The following AGMO variants were observed in gnomAD, a reference collection of about 807,000 sequenced individuals.
AGMO encodes alkylglycerol monooxygenase.
AGMO carries 75 observed loss-of-function variants against 60.2 expected under a neutral mutation model. That is an observed-to-expected ratio of 1.25 (90% confidence interval 1.03 to 1.51). The LOEUF is 1.51. AGMO is among the 40% of genes most tolerant of loss of function. The pLI is 0.00. For synonymous variants in AGMO, 261 were observed against 177.1 expected, an observed-to-expected ratio of 1.47 and a Z score of -3.76; for missense variants, 763 against 525.5, an observed-to-expected ratio of 1.45 and a Z score of -4.42.
chr7:15,390,671 C>G lies in AGMO; in HGVS notation c.822G>C (p.Gln274His), dbSNP rs1583496057. ...PINTFEPIKV[Q>H]FHHLFSIWTT... is the part of the protein sequence containing the mutation. The stretch of plus-strand genomic sequence containing the variant: ...AAAGAATAAAAAACAAGTATGTTAC[C>G]TGCACTTTGATTGGTTCAAATGTAT... The change falls in exon 8 of 13, where the codon CAG becomes CAC. Residue 274 changes from glutamine (Q) to histidine (H), a missense_variant and splice_region_variant. Gln to His is a conservative substitution (Grantham distance 24). Coordinates refer to ENST00000342526, the MANE Select transcript of AGMO (RefSeq NM_001004320.2). 1.3e-6 allele frequency: 2 copies of G among 1,583,774 alleles called. No individual in the cohort carries two copies. Among genetic ancestry groups the G allele is most frequent in the South Asian group, 1.2e-5 (1 of 85,830 alleles).
chr7:15,501,571 T>C (rs1402000476), intron 3 of AGMO, among the ~76,000 whole-genome samples: 1 of 151,968 alleles, frequency 6.6e-6, no homozygotes, highest in Non-Finnish European at 1.5e-5. Flanking sequence ...AACTCCATTA[T>C]TATGCCCTAC....
At chr7:15,239,628 T>G (rs1341177875) in intron 12 of AGMO, among the ~76,000 whole-genome samples, 1 of 152,112 alleles carries the variant, frequency 6.6e-6, no homozygotes, top group African/African-American at 2.4e-5. Flanking sequence ...TTTCCAAGGT[T>G]GACATTTCAG....
At chr7:15,338,948 A>G (rs4601205) in intron 12 of AGMO, among the ~76,000 whole-genome samples, 84,698 of 152,042 alleles carry the variant, frequency 0.56, 24,942 homozygotes, top group African/African-American at 0.77. Context: ...AGCAGCCTCA[A>G]TTCTCCAGAT....
chr7:15,296,015 T>C (rs957011738), intron 12 of AGMO, among the ~76,000 whole-genome samples: 8 of 152,112 alleles, frequency 5.3e-5, no homozygotes, highest in African/African-American at 1.9e-4. Context: ...ATATAAAATT[T>C]TCTTCAATTA....
chr7:15,468,691 T>C (rs1782360544), intron 3 of AGMO, among the ~76,000 whole-genome samples: 2 of 152,100 alleles, frequency 1.3e-5, no homozygotes, highest in African/African-American at 4.8e-5. Context: ...ACATAAATGT[T>C]ATATAAATAC....
At chr7:15,312,504 C>G (rs1330029539) in intron 12 of AGMO, among the ~76,000 whole-genome samples, 2 of 132,734 alleles carry the variant, frequency 1.5e-5, no homozygotes, top group African/African-American at 5.9e-5. Context: ...AAAAAAACAG[C>G]TGCCATTGTA....
intron 11 of AGMO, 125 bp from the exon 12 acceptor site, chr7:15,365,744 T>C: frequency 2.9e-6 from 2 of 691,178 alleles, no homozygotes; most frequent in East Asian, 2.8e-5. Flanking sequence ...TTGAAAAGCA[T>C]GTCCCCTGAA....
chr7:15,519,611 G>A (rs1410571172), intron 3 of AGMO, among the ~76,000 whole-genome samples: 1 of 152,100 alleles, frequency 6.6e-6, no homozygotes, highest in Non-Finnish European at 1.5e-5. Context: ...AATGCTGAGG[G>A]ATTTTGTCAC....
At chr7:15,491,312 T>C (rs1242050214) in intron 3 of AGMO, among the ~76,000 whole-genome samples, 1 of 152,160 alleles carries the variant, frequency 6.6e-6, no homozygotes, top group Non-Finnish European at 1.5e-5. Context: ...TTATACTGGG[T>C]GTTGTGACTT....
intron 8 of AGMO, among the ~76,000 whole-genome samples, chr7:15,389,607 C>T (rs757501291): frequency 2.0e-5 from 3 of 152,002 alleles, no homozygotes; most frequent in Non-Finnish European, 4.4e-5. Context: ...TTGTTATGGC[C>T]CTTTACGTAA....
chr7:15,490,658 C>T (rs1040666176), intron 3 of AGMO, among the ~76,000 whole-genome samples: 1 of 152,070 alleles, frequency 6.6e-6, no homozygotes, highest in Non-Finnish European at 1.5e-5. Context: ...ATAAACTGAA[C>T]AATCTGCAAG....
intron 10 of AGMO, among the ~76,000 whole-genome samples, chr7:15,371,214 T>A (rs766293993): frequency 6.6e-6 from 1 of 152,162 alleles, no homozygotes; most frequent in East Asian, 1.9e-4. Flanking sequence ...AAATATTTAA[T>A]AACAATGTTT....
At chr7:15,269,881 G>T (rs913746638) in intron 12 of AGMO, among the ~76,000 whole-genome samples, 1 of 151,980 alleles carries the variant, frequency 6.6e-6, no homozygotes, top group Admixed American at 6.6e-5. Context: ...TTGCTTCTGA[G>T]CTATCTCACT....
chr7:15,398,851 T>C (rs902270987), intron 5 of AGMO, among the ~76,000 whole-genome samples: 1 of 152,170 alleles, frequency 6.6e-6, no homozygotes, highest in African/African-American at 2.4e-5. Flanking sequence ...AAACTACTAG[T>C]TTAAGTTTAA....
chr7:15,355,932 C>CA (rs1254174261), intron 12 of AGMO, among the ~76,000 whole-genome samples: 15 of 151,796 alleles, frequency 9.9e-5, no homozygotes, highest in African/African-American at 2.7e-4. Flanking sequence ...GTAAAAGGTA[C>CA]AAAAAAATCA....
At chr7:15,238,263 A>G (rs184364177) in intron 12 of AGMO, among the ~76,000 whole-genome samples, 16 of 152,182 alleles carry the variant, frequency 1.1e-4, no homozygotes, top group Admixed American at 9.2e-4. Context: ...AAAGAAAATA[A>G]TATTTCCAAT....
chr7:15,347,685 A>G lies in AGMO; in HGVS notation c.1263+17829T>C, dbSNP rs576603615. Among the ~76,000 whole-genome samples, 53 of 152,160 alleles carry G rather than the reference A, an allele frequency of 3.5e-4. 1 individual carries two copies. The highest frequency in any genetic ancestry group is 1.2e-3 in the African/African-American group (51 of 41,552). ...GAGAAACCACTAATCCAAGTTCTTA[A>G]AATCTCCTGATTAAAAAATGTTGGT... is the stretch of plus-strand genomic sequence containing the variant. On this transcript the variant is annotated intron_variant, in intron 12 of 12. Coordinates refer to ENST00000342526, the MANE Select transcript of AGMO (RefSeq NM_001004320.2).
chr7:15,160,612 A>G, the AGMO span, among the ~76,000 whole-genome samples: 1 of 152,158 alleles, frequency 6.6e-6, no homozygotes, highest in Non-Finnish European at 1.5e-5. Context: ...CTGAAAATTA[A>G]TAAACTACCA....
In AGMO at chr7:15,390,904, G is replaced by A. The variant is rs1784111660; in HGVS notation, c.678C>T (p.Gly226=). The change falls in exon 7 of 13, where the codon GGC becomes GGT. Residue 226 remains glycine, a splice_region_variant and synonymous_variant. Coordinates refer to ENST00000342526, the MANE Select transcript of AGMO (RefSeq NM_001004320.2). ...TTTTGTCTATGCAATAACGATTTCTGCCTATGAGACAAAATATTAGAAATT... is the reference window on the plus strand; with the variant it reads ...TTTTGTCTATGCAATAACGATTTCTACCTATGAGACAAAATATTAGAAATT... The part of the protein sequence containing the change: ...NTPSHHRVHH[G]RNRYCIDKNY... 1.3e-6 allele frequency: 2 copies of A among 1,586,178 alleles called. No homozygotes were observed. The highest frequency in any genetic ancestry group is 1.7e-6 in the Non-Finnish European group (2 of 1,164,470).
Sources: gnomAD v4.1 joint callset for allele counts (sites outside exome capture counted in the v4.1 genomes callset) on GRCh38, gnomAD v4.1.1 for gene constraint, MANE v1.5 for transcripts, NCBI Gene and HGNC (gene_info 2026-07-23, HGNC 2026-07-21) for gene names.